Variants in D2HGDH observed in about 807,000 individuals in gnomAD.
D2HGDH encodes D-2-hydroxyglutarate dehydrogenase, mitochondrial.
D2HGDH carries 31 observed loss-of-function variants against 46.9 expected under a neutral mutation model. The ratio of observed to expected loss-of-function variants is 0.66; its 90% CI spans 0.50 to 0.89. The LOEUF (loss-of-function observed/expected upper bound fraction) is 0.89. D2HGDH is among the 40% of genes least tolerant of loss of function. The pLI is 0.00. For synonymous variants in D2HGDH, 364 were observed against 332.6 expected (o/e 1.09, Z -1.03); for missense variants, 698 against 720.8 (o/e 0.97, Z 0.36).
chr2:241,768,114 A>G lies in D2HGDH; in HGVS notation c.*145A>G. ...AGGGACTGGGAGCCCGCACTGGGGA[A>G]CTGCCGGACGCAGGCCCTCGGGCAG... On this transcript the variant is annotated 3_prime_UTR_variant, in exon 10 of 10. Coordinates refer to ENST00000321264, the MANE Select transcript of D2HGDH (RefSeq NM_152783.5). The G allele has an allele frequency of 8.0e-7, 1 of 1,254,318 alleles. No individual in the cohort carries two copies. Among genetic ancestry groups the G allele is most frequent in the South Asian group, 1.6e-5 (1 of 64,112 alleles). The allele number at this position is 1,254,318 out of a possible 1,614,324, so 77.7% of individuals were successfully genotyped here.
intron 9 of D2HGDH, among the ~76,000 whole-genome samples, chr2:241,760,087 G>T (rs1467211421): frequency 7.5e-6 from 1 of 134,080 alleles, no homozygotes; most frequent in South Asian, 2.3e-4. Context: ...CTTCGCCACA[G>T]CATGGGTGGG....
chr2:241,741,824 A>G (rs955202272), intron 3 of D2HGDH, among the ~76,000 whole-genome samples: 1 of 145,700 alleles, frequency 6.9e-6, no homozygotes. Context: ...TCCAGGGTTT[A>G]TTTCATGTGT....
At chr2:241,755,734 C>T (rs1311281584) in intron 8 of D2HGDH, 115 bp from the exon 9 acceptor site, 1 of 1,595,400 alleles carries the variant, frequency 6.3e-7, no homozygotes, top group Non-Finnish European at 8.5e-7. Flanking sequence ...GGGGTCGGAG[C>T]CTCACCTGGT....
At chr2:241,755,047 C>G in intron 8 of D2HGDH, 1 of 1,300,698 alleles carries the variant, frequency 7.7e-7, no homozygotes, top group Non-Finnish European at 1.0e-6. Context: ...TGGTGCAGAT[C>G]TCCACAATGG....
At chr2:241,750,348 T>TG in intron 7 of D2HGDH, 54 bp downstream of exon 7, 1 of 1,341,592 alleles carries the variant, frequency 7.5e-7, no homozygotes, top group South Asian at 1.1e-5. Flanking sequence ...TCTGCACGTC[T>TG]GGACACATGG....
intron 9 of D2HGDH, among the ~76,000 whole-genome samples, chr2:241,759,573 C>T (rs1403132351): frequency 6.6e-6 from 1 of 152,144 alleles, no homozygotes; most frequent in African/African-American, 2.4e-5. Context: ...TGGACGCCCC[C>T]GGACAGGTTT....
chr2:241,735,988 C>G (rs1459859613), intron 2 of D2HGDH: 2 of 182,162 alleles, frequency 1.1e-5, no homozygotes, highest in Non-Finnish European at 2.3e-5. Flanking sequence ...GTCTCGATCT[C>G]TTGACCTCGT....
rs142940547 is a variant in D2HGDH, at chr2:241,743,740, C to G, written c.609C>G (p.Asn203Lys). The part of the protein sequence containing the change: ...GAKGSCHIGG[N>K]VATNAGGLRF... ...AGGGCAGCTGCCACATCGGGGGAAA[C>G]GTGGCAACCAACGCTGGAGGCCTGC... Residue 203 changes from asparagine (N) to lysine (K), a missense_variant, in exon 5 of 10, where the codon AAC (asparagine) becomes AAG (lysine). Asn to Lys is a moderately conservative substitution (Grantham distance 94). Transcript: ENST00000321264. The surrounding 1 kb of genome is among the most constrained non-coding windows in gnomAD (Gnocchi z 4.8). 6 of 1,613,146 alleles carry G rather than the reference C, an allele frequency of 3.7e-6. No homozygotes were observed. The East Asian group carries it at 8.9e-5, about 24-fold the overall frequency.
At position 241,741,192 on chromosome 2, in the gene D2HGDH, C is replaced by T. The variant is rs373045668; in HGVS notation, c.350+102C>T. 9.6e-5 allele frequency: 101 copies of T among 1,056,794 alleles called. No homozygotes were observed. In the Admixed American group the frequency reaches 1.4e-3, roughly 15 times the overall value. The allele number at this position is 1,056,794 out of a possible 1,614,324, so 65.5% of individuals were successfully genotyped here. ...TGGGGTGACGCGGTGCGAAGCCAGC[C>T]GATGACATCTTGGTTTGTGTGTCTC... On this transcript the variant is annotated intron_variant, in intron 3 of 9. Coordinates refer to ENST00000321264, the MANE Select transcript of D2HGDH (RefSeq NM_152783.5).
chr2:241,750,228 G>A lies in D2HGDH; in HGVS notation c.931G>A (p.Glu311Lys), dbSNP rs772733736. ...GMLGEILSAF[E>K]FMDAVCMQLV... Reference sequence around the variant, plus strand: ...GCTGGGTGAGATCCTGTCTGCATTCGAGTTCATGGATGCTGTGTGCATGCA... The same window carrying A: ...GCTGGGTGAGATCCTGTCTGCATTCAAGTTCATGGATGCTGTGTGCATGCA... Residue 311 changes from glutamate to lysine, a missense_variant, in exon 7 of 10, where the codon GAG becomes AAG. Physicochemically the swap from Glu to Lys is moderately conservative, Grantham distance 56. Coordinates refer to ENST00000321264, the MANE Select transcript of D2HGDH (RefSeq NM_152783.5). 7 of 1,613,942 alleles carry A rather than the reference G, an allele frequency of 4.3e-6. No homozygotes were observed. The highest frequency in any genetic ancestry group is 4.5e-5 in the East Asian group (2 of 44,890).
rs980206781 is a variant in D2HGDH at position 241,751,263 on chromosome 2, C to T, written c.1015C>T (p.Leu339Phe). The T allele has an allele frequency of 6.2e-6, 10 of 1,614,012 alleles. No individual in the cohort carries two copies. The highest frequency in any genetic ancestry group is 1.6e-4 in the Middle Eastern group (1 of 6,062). ...SPVQESPFYV[L>F]IETSGSNAGH... ...ACTTCTAGAGAGTCCGTTTTACGTC[C>T]TCATCGAGACTTCAGGCTCCAACGC... The change falls in exon 8 of 10, where the codon CTC becomes TTC. Residue 339 changes from leucine to phenylalanine, a missense_variant. Coordinates refer to ENST00000321264, the MANE Select transcript of D2HGDH (RefSeq NM_152783.5).
intron 8 of D2HGDH, among the ~76,000 whole-genome samples, chr2:241,752,460 A>C (rs1487380130): frequency 6.6e-6 from 1 of 152,022 alleles, no homozygotes; most frequent in Non-Finnish European, 1.5e-5. Context: ...TGCCGCAGTA[A>C]CAAGCAATCC....
At chr2:241,739,812 C>G (rs777988736) in intron 2 of D2HGDH, among the ~76,000 whole-genome samples, 1 of 152,216 alleles carries the variant, frequency 6.6e-6, no homozygotes, top group Non-Finnish European at 1.5e-5. Context: ...TACATAAACA[C>G]GTCAGTGAGA....
chr2:241,742,051 G>C lies in D2HGDH; in HGVS notation c.351-384G>C, dbSNP rs752335713. Among the ~76,000 whole-genome samples the C allele has an allele frequency of 1.3e-5, 2 of 152,182 alleles. No individual in the cohort carries two copies. Among genetic ancestry groups the C allele is most frequent in the Non-Finnish European group, 2.9e-5 (2 of 68,028 alleles). ...GCACACGTCTGGGGGATAATGGGCC[G>C]AGGGTGGGGAGATGCAGGCAGAGGG... On this transcript the variant is annotated intron_variant, in intron 3 of 9. Transcript: ENST00000321264. This position sits in a 1 kb window ranked among gnomAD's most constrained non-coding sequence, Gnocchi z 4.8.
In D2HGDH at chr2:241,743,767, G is replaced by T; in HGVS notation, c.636G>T (p.Arg212=). The T allele has an allele frequency of 6.2e-7, 1 of 1,610,812 alleles. No individual in the cohort carries two copies. The highest frequency in any genetic ancestry group is 8.5e-7 in the Non-Finnish European group (1 of 1,178,768). Residue 212 remains arginine, a synonymous_variant, in exon 5 of 10, where the codon CGG becomes CGT. Coordinates refer to ENST00000321264, the MANE Select transcript of D2HGDH (RefSeq NM_152783.5). This position sits in a 1 kb window ranked among gnomAD's most constrained non-coding sequence, Gnocchi z 4.8. ...GNVATNAGGL[R]FLRYGSLHGT... Reference sequence around the variant, plus strand: ...TGGCAACCAACGCTGGAGGCCTGCGGTTTCTTCGATATGGCTCACTGCATG... The same window carrying T: ...TGGCAACCAACGCTGGAGGCCTGCGTTTTCTTCGATATGGCTCACTGCATG...
At chr2:241,748,465 G>A (rs1696451806) in intron 6 of D2HGDH, among the ~76,000 whole-genome samples, 2 of 152,214 alleles carry the variant, frequency 1.3e-5, no homozygotes, top group Non-Finnish European at 2.9e-5. Context: ...CGTTTGTGGT[G>A]TTTTCACTGG....
At chr2:241,744,972 A>G (rs879225904) in intron 6 of D2HGDH, 95 bp downstream of exon 6, 1 of 1,343,460 alleles carries the variant, frequency 7.4e-7, no homozygotes, top group African/African-American at 1.5e-5. Context: ...GGATGGAGGG[A>G]CCCCCCGCCA....
intron 2 of D2HGDH, among the ~76,000 whole-genome samples, chr2:241,737,759 A>G (rs1478742711): frequency 6.6e-6 from 1 of 152,176 alleles, no homozygotes; most frequent in African/African-American, 2.4e-5. Flanking sequence ...GTATGGTGGC[A>G]TGTGTCTGTG....
chr2:241,756,112 A>G (rs1698147585), intron 9 of D2HGDH, 98 bp downstream of exon 9: 11 of 1,459,656 alleles, frequency 7.5e-6, no homozygotes, highest in Non-Finnish European at 1.0e-5. Context: ...CAGTTTGACC[A>G]TGGTCTCTGG....
Sources: allele counts gnomAD v4.1 joint callset (sites outside exome capture counted in the v4.1 genomes callset), GRCh38; gene constraint gnomAD v4.1.1; non-coding constraint Gnocchi (gnomAD v3.1); transcripts MANE v1.5; gene names NCBI Gene and HGNC (gene_info 2026-07-23, HGNC 2026-07-21).